Variants in HIP1 observed in about 807,000 individuals in gnomAD.
HIP1 encodes the protein huntingtin interacting protein 1, also known as huntingtin-interacting protein 1.
Under a neutral mutation model 147.6 loss-of-function variants are expected in HIP1, and 65 were observed. The ratio of observed to expected loss-of-function variants is 0.44; its 90% confidence interval spans 0.36 to 0.54. The LOEUF (loss-of-function observed/expected upper bound fraction) is 0.54. HIP1 is among the 20% of genes least tolerant of loss of function. The pLI is 0.00. For missense variants in HIP1, 1,061 were observed against 1,299.6 expected, an observed-to-expected ratio of 0.82 and a Z score of 2.82; for synonymous variants, 479 against 504.0, an observed-to-expected ratio of 0.95 and a Z score of 0.67.
Position 75,553,510 on chromosome 7 carries a change from C to T in HIP1, c.2238G>A (p.Glu746=), listed in dbSNP as rs587598625. The change falls in exon 22 of 31, where the codon GAG becomes GAA. Residue 746 remains glutamate, a synonymous_variant. Transcript: ENST00000336926. ...TCCTCATGGCTGTGCTGTCGGCATT[C>T]TCAAGGCTTCCCTCTTCCTCCAGGG... ...LASLEEEGSL[E]NADSTAMRNC... is the part of the protein sequence containing the mutation. The T allele has an allele frequency of 9.9e-6, 16 of 1,614,212 alleles. No individual in the cohort carries two copies. The African/African-American group carries it at 1.9e-4, about 19-fold the overall frequency.
intron 3 of HIP1, 118 bp from the exon 4 acceptor site, chr7:75,592,230 G>T: frequency 1.5e-6 from 2 of 1,367,194 alleles, no homozygotes; most frequent in South Asian, 1.2e-5. Context: ...ATGGGAGGGA[G>T]ACTCACCCAA....
intron 1 of HIP1, among the ~76,000 whole-genome samples, chr7:75,717,805 T>C (rs1316122164): frequency 6.6e-6 from 1 of 151,804 alleles, no homozygotes; most frequent in Non-Finnish European, 1.5e-5. Flanking sequence ...ATCCTATCTC[T>C]ACTAAAAATA....
intron 1 of HIP1, among the ~76,000 whole-genome samples, chr7:75,610,641 G>A (rs1171116724): frequency 3.3e-5 from 5 of 151,508 alleles, no homozygotes; most frequent in South Asian, 4.2e-4. Context: ...GCCCACAGTC[G>A]CGAAGGCAGG....
intron 4 of HIP1, 58 bp from the exon 5 acceptor site, chr7:75,586,891 C>G (rs1289783605): frequency 1.9e-5 from 19 of 1,004,394 alleles, no homozygotes; most frequent in Non-Finnish European, 2.8e-5. Context: ...GTCAAGAGAT[C>G]TGCAGCCAGG....
intron 8 of HIP1, among the ~76,000 whole-genome samples, chr7:75,569,998 A>C (rs1795554611): frequency 6.6e-6 from 1 of 151,396 alleles, no homozygotes; most frequent in Non-Finnish European, 1.5e-5. Flanking sequence ...GCAGTGGCAC[A>C]ATCTCAGCTC....
At chr7:75,640,821 C>T (rs1554510391) in intron 1 of HIP1, among the ~76,000 whole-genome samples, 2 of 151,650 alleles carry the variant, frequency 1.3e-5, no homozygotes, top group Admixed American at 1.3e-4. Flanking sequence ...AGAACAGCTG[C>T]GAGGCCGACC....
At chr7:75,554,041 G>T in intron 21 of HIP1, 72 bp downstream of exon 21, 1 of 1,159,136 alleles carries the variant, frequency 8.6e-7, no homozygotes, top group Non-Finnish European at 1.3e-6. Context: ...CACTGCGCCC[G>T]GCCCAACAGA....
At chr7:75,724,315 T>G (rs1458478433) in intron 1 of HIP1, among the ~76,000 whole-genome samples, 1 of 151,928 alleles carries the variant, frequency 6.6e-6, no homozygotes, top group Non-Finnish European at 1.5e-5. Flanking sequence ...CGGTGCCATC[T>G]CAGCTCACTG....
chr7:75,681,808 G>A (rs1427034956), intron 1 of HIP1, among the ~76,000 whole-genome samples: 1 of 151,494 alleles, frequency 6.6e-6, no homozygotes, highest in Non-Finnish European at 1.5e-5. Context: ...GCCAGCACCT[G>A]CTCTTCTTTA....
chr7:75,605,177 C>T (rs1554503652), intron 1 of HIP1, among the ~76,000 whole-genome samples: 1 of 152,150 alleles, frequency 6.6e-6, no homozygotes, highest in African/African-American at 2.4e-5. Context: ...GAAACTCACC[C>T]AAGGTCATGC....
At chr7:75,680,232 C>T (rs1217303087) in intron 1 of HIP1, among the ~76,000 whole-genome samples, 5 of 152,196 alleles carry the variant, frequency 3.3e-5, no homozygotes, top group East Asian at 1.9e-4. Flanking sequence ...TTAGTAGAGA[C>T]GGGGATTCGC....
chr7:75,697,414 A>AAAAG lies in HIP1; in HGVS notation c.120+41383_120+41386dup, dbSNP rs1347643173. On this transcript the variant is annotated intron_variant, in intron 1 of 30. Coordinates refer to ENST00000336926, the MANE Select transcript of HIP1 (RefSeq NM_005338.7). ...TCTAAAAAAACACAGTTCTCTAAGA[A>AAAAG]AAAGAAAGAAAGAAAAGAAAAAAAT... 1.3e-5 allele frequency among the ~76,000 whole-genome samples: 2 copies of AAAAG among 152,170 alleles called. 1 individual carries two copies. The highest frequency in any genetic ancestry group is 4.8e-5 in the African/African-American group (2 of 41,450).
At position 75,562,926 on chromosome 7, in the gene HIP1, G is replaced by T. The variant is rs1554494840; in HGVS notation, c.1020+9C>A. 1 of 1,613,878 alleles carries T rather than the reference G, an allele frequency of 6.2e-7. No individual in the cohort carries two copies. The highest frequency in any genetic ancestry group is 1.7e-5 in the Admixed American group (1 of 59,994). ...GAAAGGCCAAGTTTCTCTCCCAAGT[G>T]GTCCTCACCTGCTGAGAGGCATCCA... is the stretch of plus-strand genomic sequence containing the variant. On this transcript the variant is annotated intron_variant, in intron 11 of 30. Transcript: ENST00000336926.
intron 1 of HIP1, among the ~76,000 whole-genome samples, chr7:75,658,658 G>A (rs955740953): frequency 8.0e-5 from 12 of 149,796 alleles, no homozygotes; most frequent in African/African-American, 2.2e-4. Flanking sequence ...GCTCATGCCT[G>A]TAATCCCAAC....
At position 75,586,934 on chromosome 7, in the gene HIP1, T is replaced by C. The variant is rs112816715; in HGVS notation, c.385-101A>G. 3.5e-3 allele frequency: 2,652 copies of C among 765,932 alleles called. 42 individuals are homozygous for C. The African/African-American group carries it at 0.041, about 12-fold the overall frequency. 47.4% of individuals were successfully genotyped at this position (765,932 alleles called of 1,614,324 possible). On this transcript the variant is annotated intron_variant, in intron 4 of 30. Transcript: ENST00000336926. ...TGGTAAAGAATCTATCTTCTTTGTT[T>C]TCTCCCCTTTATTTTATTTATTTAG... is the stretch of plus-strand genomic sequence containing the variant.
At chr7:75,540,449 AAG>A (rs1334668316) in intron 29 of HIP1, among the ~76,000 whole-genome samples, 15 of 137,554 alleles carry the variant, frequency 1.1e-4, no homozygotes, top group African/African-American at 2.9e-4. Flanking sequence ...AAAAAAAAAA[AAG>A]AAGGAAAAAT....
intron 1 of HIP1, among the ~76,000 whole-genome samples, chr7:75,684,050 G>A (rs552729807): frequency 4.6e-5 from 7 of 151,412 alleles, no homozygotes; most frequent in East Asian, 1.9e-4. Context: ...AGGCTGAGGC[G>A]GGAGGATTGC....
intron 1 of HIP1, among the ~76,000 whole-genome samples, chr7:75,653,675 A>G (rs1799063898): frequency 6.6e-6 from 1 of 151,958 alleles, no homozygotes; most frequent in South Asian, 2.1e-4. Context: ...CCTGGCCAAC[A>G]TGGTAAAACA....
rs536652930 is a variant in HIP1, at chr7:75,643,207, T to C, written c.121-43960A>G. ...TAATTCCCAGTAATGATATTTAAGA[T>C]AAAAAATATTGCTTATGAAAGGGCC... On this transcript the variant is annotated intron_variant, in intron 1 of 30. Coordinates refer to ENST00000336926, the MANE Select transcript of HIP1 (RefSeq NM_005338.7). Among the ~76,000 whole-genome samples the C allele has an allele frequency of 7.9e-5, 12 of 152,290 alleles. 1 individual carries two copies. Among genetic ancestry groups the C allele is most frequent in the African/African-American group, 2.9e-4 (12 of 41,574 alleles).
Sources: gnomAD v4.1 joint callset for allele counts (sites outside exome capture counted in the v4.1 genomes callset) on GRCh38, gnomAD v4.1.1 for gene constraint, MANE v1.5 for transcripts, NCBI Gene and HGNC (gene_info 2026-07-23, HGNC 2026-07-21) for gene names.